Variants in ZBED6 observed in about 807,000 individuals in gnomAD.
ZBED6 encodes the protein zinc finger BED domain-containing protein 6.
A neutral mutation model predicts 58.4 loss-of-function variants in ZBED6; 40 were observed. The observed-to-expected ratio is 0.68, with a 90% confidence interval of 0.53 to 0.89. The LOEUF (loss-of-function observed/expected upper bound fraction) is 0.89, where lower values mean the gene tolerates loss of function less well. Ranked by LOEUF, ZBED6 falls within the 40% of genes least tolerant of loss-of-function variation. The pLI is 0.00. For missense variants in ZBED6, 1,057 were observed against 1,003.9 expected (o/e 1.05, Z -0.71); for synonymous variants, 439 against 350.6 (o/e 1.25, Z -2.82).
chr1:203,819,637 C>A (rs556165678), intron 3 of ZBED6, among the ~76,000 whole-genome samples: 1 of 147,726 alleles, frequency 6.8e-6, no homozygotes, highest in Non-Finnish European at 1.5e-5. Context: ...CTAGTTCAAG[C>A]GGTTCTCCTG....
exon 14 of ZBED6, chr1:203,849,794 A>G: frequency 6.2e-7 from 1 of 1,613,980 alleles, no homozygotes; most frequent in South Asian, 1.1e-5. Context: ...ACATGCAGAA[A>G]CAGCAGGAGA....
At chr1:203,808,234 A>G (rs1673045064) in intron 1 of ZBED6, among the ~76,000 whole-genome samples, 1 of 148,460 alleles carries the variant, frequency 6.7e-6, no homozygotes, top group Non-Finnish European at 1.5e-5. Flanking sequence ...CTTAAAGGTC[A>G]TAATCTCCTT....
chr1:203,818,366 C>T (rs1377799089), intron 2 of ZBED6, among the ~76,000 whole-genome samples: 1 of 151,942 alleles, frequency 6.6e-6, no homozygotes, highest in Admixed American at 6.6e-5. Flanking sequence ...CCAGATCAAA[C>T]GAAGGGTACT....
intron 11 of ZBED6, among the ~76,000 whole-genome samples, chr1:203,845,181 T>TG (rs1241221529): frequency 2.0e-5 from 3 of 152,226 alleles, no homozygotes; most frequent in Non-Finnish European, 4.4e-5. Flanking sequence ...TAGAAATTCT[T>TG]CAAGATGTAT....
At chr1:203,816,657 A>C (rs1676481362) in intron 1 of ZBED6, among the ~76,000 whole-genome samples, 1 of 152,102 alleles carries the variant, frequency 6.6e-6, no homozygotes, top group African/African-American at 2.4e-5. Context: ...TAAAATGTAG[A>C]TCTTTAGTTA....
At chr1:203,803,882 G>A (rs1468144620) in intron 1 of ZBED6, among the ~76,000 whole-genome samples, 1 of 152,136 alleles carries the variant, frequency 6.6e-6, no homozygotes, top group Admixed American at 6.5e-5. Flanking sequence ...TGGGATTACA[G>A]GTGTGAGCCA....
chr1:203,852,145 G>C lies in ZBED6; in HGVS notation c.*4878G>C, dbSNP rs200162002. ...ATAATCTTTTTTTTCTTACAGTCTT[G>C]TGCTGCCTCCAACCCAGTCCTCTTC... On this transcript the variant is annotated 3_prime_UTR_variant, in exon 17 of 17. Transcript: ENST00000550078. The C allele has an allele frequency of 6.2e-7, 1 of 1,612,998 alleles. No homozygotes were observed. Among genetic ancestry groups the C allele is most frequent in the South Asian group, 1.1e-5 (1 of 91,010 alleles).
chr1:203,798,180 A>C (rs1161047930), exon 1 of ZBED6: 1 of 1,536,138 alleles, frequency 6.5e-7, no homozygotes, highest in Non-Finnish European at 8.7e-7. Context: ...ATATATTCCT[A>C]CTGATCCATT....
chr1:203,806,531 G>A (rs1207910516), intron 1 of ZBED6, among the ~76,000 whole-genome samples: 3 of 152,070 alleles, frequency 2.0e-5, no homozygotes, highest in Non-Finnish European at 4.4e-5. Flanking sequence ...TTGAGCTCCT[G>A]GACTCAAGTG....
At chr1:203,799,510 A>G (rs1222506437) in exon 1 of ZBED6, 1 of 702,958 alleles carries the variant, frequency 1.4e-6, no homozygotes, top group Non-Finnish European at 2.6e-6. Flanking sequence ...GAGCATTGCT[A>G]CTCAGTTCAC....
intron 14 of ZBED6, 94 bp from the exon 15 acceptor site, chr1:203,850,421 A>G (rs1688985793): frequency 4.0e-6 from 6 of 1,498,096 alleles, no homozygotes; most frequent in Non-Finnish European, 5.6e-6. Flanking sequence ...TGGTATTTCT[A>G]GTACTGAAGG....
chr1:203,810,155 T>G (rs1461414254), intron 1 of ZBED6, among the ~76,000 whole-genome samples: 1 of 152,028 alleles, frequency 6.6e-6, no homozygotes, highest in African/African-American at 2.4e-5. Context: ...TTTTGTTTTT[T>G]TTTTAAGAGA....
intron 9 of ZBED6, chr1:203,835,894 A>G: frequency 4.2e-6 from 1 of 240,204 alleles, no homozygotes; most frequent in Non-Finnish European, 9.0e-6. Context: ...ATGCCCTTGG[A>G]CCACAGCCTT....
At chr1:203,830,967 A>G (rs1682132858) in intron 7 of ZBED6, among the ~76,000 whole-genome samples, 3 of 43,056 alleles carry the variant, frequency 7.0e-5, no homozygotes, top group African/African-American at 9.8e-5. Context: ...TTTTTTTGAG[A>G]CAGAGTTTTG....
intron 3 of ZBED6, among the ~76,000 whole-genome samples, chr1:203,822,026 G>A (rs1231655027): frequency 3.9e-5 from 6 of 151,934 alleles, no homozygotes; most frequent in Non-Finnish European, 8.8e-5. Flanking sequence ...CAAAGTCCTG[G>A]GATTACAGGT....
intron 1 of ZBED6, 90 bp from the exon 2 acceptor site, chr1:203,816,836 G>C: frequency 2.3e-6 from 1 of 434,522 alleles, no homozygotes. Context: ...AATAAAATTT[G>C]ACTCTAGCAA....
At chr1:203,811,240 G>T (rs1674396575) in intron 1 of ZBED6, among the ~76,000 whole-genome samples, 1 of 152,144 alleles carries the variant, frequency 6.6e-6, no homozygotes, top group South Asian at 2.1e-4. Flanking sequence ...CCCAGGAGGT[G>T]GAGGTTGCAG....
At position 203,818,564 on chromosome 1, in the gene ZBED6, T is replaced by G. The variant is rs1420845355; in HGVS notation, c.*2754-6T>G. ...TACAAATAGAGTGTTCTCTATTTGT[T>G]TACAGGGTGACAGCTGCCCATTCCG... On this transcript the variant is annotated splice_polypyrimidine_tract_variant and splice_region_variant and intron_variant, in intron 2 of 16. Coordinates refer to ENST00000550078, the Ensembl canonical transcript of ZBED6. The G allele has an allele frequency of 1.9e-6, 3 of 1,614,002 alleles. No homozygotes were observed. The highest frequency in any genetic ancestry group is 2.5e-6 in the Non-Finnish European group (3 of 1,179,930).
chr1:203,829,332 A>C (rs1681527682), intron 4 of ZBED6, 119 bp from the exon 5 acceptor site: 1 of 1,019,512 alleles, frequency 9.8e-7, no homozygotes, highest in African/African-American at 1.6e-5. Context: ...TAAATGAGGA[A>C]ATTTAGTATA....
Sources: gnomAD v4.1 joint callset for allele counts (sites outside exome capture counted in the v4.1 genomes callset) on GRCh38, gnomAD v4.1.1 for gene constraint, MANE v1.5 for transcripts, NCBI Gene and HGNC (gene_info 2026-07-23, HGNC 2026-07-21) for gene names.